Variants in CAMKMT observed in about 807,000 individuals in gnomAD.
CAMKMT encodes CaM KMT.
CAMKMT carries 53 observed loss-of-function variants against 48.0 expected under a neutral mutation model. The observed-to-expected ratio is 1.10, with a 90% CI of 0.89 to 1.39. The LOEUF is 1.39. Ranked by LOEUF, CAMKMT falls within the 40% of genes most tolerant of loss-of-function variation. The probability of loss-of-function intolerance (pLI) is 0.00; values close to 1 mark genes in which losing one functional copy is unlikely to be tolerated. For synonymous variants in CAMKMT, 165 were observed against 152.3 expected (o/e 1.08, Z -0.61); for missense variants, 428 against 402.7 (o/e 1.06, Z -0.54).
intron 3 of CAMKMT, among the ~76,000 whole-genome samples, chr2:44,607,003 A>G (rs758618851): frequency 1.1e-4 from 17 of 152,190 alleles, no homozygotes; most frequent in South Asian, 2.1e-4. Flanking sequence ...CTCATAATCA[A>G]CATTGTGATT....
intron 1 of CAMKMT, among the ~76,000 whole-genome samples, chr2:44,367,995 T>A (rs992947604): frequency 6.6e-6 from 1 of 152,256 alleles, no homozygotes; most frequent in Non-Finnish European, 1.5e-5. Context: ...CATTTCAGGT[T>A]AATAAATGGG....
Position 44,452,424 on chromosome 2 carries a change from G to A in CAMKMT, c.376+62119G>A, listed in dbSNP as rs187806187. The stretch of plus-strand genomic sequence containing the variant: ...CTTTTCTTACTGTCTTCATTCAACT[G>A]TTTGCCACATGTGTGCCTGATACAT... On this transcript the variant is annotated intron_variant, in intron 3 of 10. Coordinates refer to ENST00000378494, the MANE Select transcript of CAMKMT (RefSeq NM_024766.5). Among the ~76,000 whole-genome samples the A allele has an allele frequency of 9.9e-5, 15 of 152,020 alleles. No individual in the cohort carries two copies. The South Asian group carries it at 1.5e-3, about 15-fold the overall frequency.
At chr2:44,496,602 C>A (rs1360381163) in intron 3 of CAMKMT, among the ~76,000 whole-genome samples, 2 of 152,190 alleles carry the variant, frequency 1.3e-5, no homozygotes, top group African/African-American at 4.8e-5. Flanking sequence ...TTGCTTTTCA[C>A]TTCTGAACAT....
chr2:44,587,933 T>C (rs28710267), intron 3 of CAMKMT, among the ~76,000 whole-genome samples: 28,507 of 67,504 alleles, frequency 0.42, 5,809 homozygotes, highest in Admixed American at 0.49. Flanking sequence ...CTCTGCCTGG[T>C]CCCCCATCGT....
intron 3 of CAMKMT, among the ~76,000 whole-genome samples, chr2:44,426,936 A>G (rs1684314323): frequency 1.3e-5 from 2 of 152,232 alleles, no homozygotes; most frequent in African/African-American, 4.8e-5. Flanking sequence ...ACAGGGCTAC[A>G]GTAACCAAAA....
intron 3 of CAMKMT, among the ~76,000 whole-genome samples, chr2:44,597,233 A>T (rs1670717558): frequency 6.6e-6 from 1 of 152,204 alleles, no homozygotes; most frequent in Non-Finnish European, 1.5e-5. Context: ...TCCAACTTCC[A>T]CATAGACTAG....
chr2:44,383,937 A>G (rs1232212932), intron 2 of CAMKMT, among the ~76,000 whole-genome samples: 2 of 152,062 alleles, frequency 1.3e-5, no homozygotes, highest in Non-Finnish European at 2.9e-5. Flanking sequence ...TATAAACATG[A>G]GTGTGCAAGG....
At chr2:44,658,573 C>G (rs1217020560) in intron 3 of CAMKMT, among the ~76,000 whole-genome samples, 2 of 152,170 alleles carry the variant, frequency 1.3e-5, no homozygotes, top group Non-Finnish European at 2.9e-5. Flanking sequence ...GTCAGACAGA[C>G]TCCAGTTCAC....
At chr2:44,714,223 G>A (rs976324394) in intron 6 of CAMKMT, among the ~76,000 whole-genome samples, 1 of 152,144 alleles carries the variant, frequency 6.6e-6, no homozygotes, top group African/African-American at 2.4e-5. Flanking sequence ...AGGTGCTGGA[G>A]CAAAGAAAAA....
intron 3 of CAMKMT, among the ~76,000 whole-genome samples, chr2:44,616,231 T>G (rs1671880710): frequency 6.6e-6 from 1 of 152,198 alleles, no homozygotes; most frequent in Non-Finnish European, 1.5e-5. Context: ...ATCTCCATAT[T>G]CAGCTGAGTG....
intron 3 of CAMKMT, among the ~76,000 whole-genome samples, chr2:44,595,928 G>C (rs1282686362): frequency 2.0e-5 from 3 of 146,480 alleles, no homozygotes; most frequent in Admixed American, 1.4e-4. Context: ...AGTGGGAGCT[G>C]AACAATGAGA....
chr2:44,434,911 C>G (rs1266637427), intron 3 of CAMKMT, among the ~76,000 whole-genome samples: 2 of 152,108 alleles, frequency 1.3e-5, no homozygotes, highest in Non-Finnish European at 2.9e-5. Flanking sequence ...ATGTTAATCA[C>G]AATTTGAGGT....
intron 7 of CAMKMT, among the ~76,000 whole-genome samples, chr2:44,730,387 C>A (rs749363793): frequency 8.5e-5 from 13 of 152,196 alleles, no homozygotes; most frequent in Non-Finnish European, 1.5e-4. Flanking sequence ...ATCGGTAATT[C>A]TTTTGTTTCA....
At chr2:44,440,016 T>C (rs1386323075) in intron 3 of CAMKMT, among the ~76,000 whole-genome samples, 1 of 152,164 alleles carries the variant, frequency 6.6e-6, no homozygotes, top group Admixed American at 6.5e-5. Context: ...TTTCTGACAG[T>C]GCCTCCATCT....
At chr2:44,697,654 G>A (rs188849808) in intron 3 of CAMKMT, among the ~76,000 whole-genome samples, 16 of 152,182 alleles carry the variant, frequency 1.1e-4, no homozygotes, top group South Asian at 2.1e-4. Flanking sequence ...AAAATCAACT[G>A]GGGAGTGATC....
chr2:44,636,769 T>C (rs564907283), intron 3 of CAMKMT, among the ~76,000 whole-genome samples: 503 of 152,354 alleles, frequency 3.3e-3, no homozygotes, highest in Non-Finnish European at 4.8e-3. Flanking sequence ...ATTTTACCAA[T>C]TGGAAAACTA....
chr2:44,413,746 G>A (rs1374467894), intron 3 of CAMKMT, among the ~76,000 whole-genome samples: 1 of 152,052 alleles, frequency 6.6e-6, no homozygotes, highest in African/African-American at 2.4e-5. Context: ...TCAACACTTG[G>A]CTTATATCTA....
intron 3 of CAMKMT, among the ~76,000 whole-genome samples, chr2:44,671,652 C>T (rs892010193): frequency 2.6e-5 from 4 of 152,202 alleles, no homozygotes; most frequent in African/African-American, 7.2e-5. Context: ...TTAGAGACAT[C>T]TCATGCCTTA....
chr2:44,768,362 T>TATATATATATATATATA lies in CAMKMT; in HGVS notation c.894+1801_894+1802insATATATATATATATATA, dbSNP rs1491157479. Among the ~76,000 whole-genome samples, 264 of 74,082 alleles carry TATATATATATATATATA rather than the reference T, an allele frequency of 3.6e-3. 1 individual carries two copies. Among genetic ancestry groups the TATATATATATATATATA allele is most frequent in the Non-Finnish European group, 5.3e-3 (211 of 39,502 alleles). 48.6% of individuals were successfully genotyped at this position (74,082 alleles called of 152,430 possible). A position where few individuals can be genotyped will look rare whatever the true frequency, so the allele number is the denominator to read the frequency against. On this transcript the variant is annotated intron_variant, in intron 10 of 10. Transcript: ENST00000378494. ...CCCATGATATATATATATATATATATTTTTTTTTTTTTTTTAATAATGAGA... is the reference window on the plus strand; with the variant it reads ...CCCATGATATATATATATATATATATATATATATATATATATATTTTTTTTTTTTTTTAATAATGAGA...
Sources: allele counts gnomAD v4.1 joint callset (sites outside exome capture counted in the v4.1 genomes callset), GRCh38; gene constraint gnomAD v4.1.1; transcripts MANE v1.5; gene names NCBI Gene and HGNC (gene_info 2026-07-23, HGNC 2026-07-21).